FBXW4: variants seen among roughly 807,000 people sequenced by gnomAD.
FBXW4 encodes F-box/WD repeat-containing protein 4.
FBXW4 carries 40 observed loss-of-function variants against 61.8 expected under a neutral mutation model. The observed-to-expected ratio is 0.65, with a 90% CI of 0.50 to 0.84. FBXW4 has a LOEUF of 0.84. FBXW4 is among the 40% of genes least tolerant of loss of function. The probability of loss-of-function intolerance (pLI) is 0.00; values close to 1 mark genes in which losing one functional copy is unlikely to be tolerated. For synonymous variants in FBXW4, 311 were observed against 313.8 expected (o/e 0.99, Z 0.10); for missense variants, 672 against 753.8 (o/e 0.89, Z 1.27).
At chr10:101,614,790 G>C (rs1490435326) in intron 6 of FBXW4, among the ~76,000 whole-genome samples, 1 of 152,176 alleles carries the variant, frequency 6.6e-6, no homozygotes, top group East Asian at 1.9e-4. Context: ...GACACGCCAG[G>C]CTCTGGGAAA....
intron 5 of FBXW4, among the ~76,000 whole-genome samples, chr10:101,637,267 C>T (rs2064011411): frequency 1.3e-5 from 2 of 150,024 alleles, no homozygotes; most frequent in Middle Eastern, 6.9e-3. Flanking sequence ...TGGTGGGCAC[C>T]TGTAGTCCCA....
intron 5 of FBXW4, among the ~76,000 whole-genome samples, chr10:101,647,368 T>C (rs192245042): frequency 1.3e-5 from 2 of 152,328 alleles, no homozygotes; most frequent in East Asian, 3.9e-4. Context: ...AACTACTTGC[T>C]GGGTAGTTCT....
At chr10:101,624,270 T>TAA (rs202127189) in intron 6 of FBXW4, among the ~76,000 whole-genome samples, 5 of 136,052 alleles carry the variant, frequency 3.7e-5, no homozygotes, top group African/African-American at 1.1e-4. Context: ...ATTAGAAAGT[T>TAA]AAAAAAAAAA....
intron 5 of FBXW4, among the ~76,000 whole-genome samples, chr10:101,650,887 C>T (rs899716201): frequency 1.3e-5 from 2 of 152,302 alleles, no homozygotes; most frequent in South Asian, 2.1e-4. Context: ...ATACAAAGAT[C>T]GGGCTCTCGA....
chr10:101,690,831 C>A (rs755891979), intron 1 of FBXW4, among the ~76,000 whole-genome samples: 19 of 152,138 alleles, frequency 1.2e-4, no homozygotes, highest in Non-Finnish European at 2.6e-4. Flanking sequence ...AAGCACAGTG[C>A]GTGTGTGTGC....
intron 5 of FBXW4, among the ~76,000 whole-genome samples, chr10:101,628,874 T>C (rs2063927928): frequency 6.6e-6 from 1 of 152,226 alleles, no homozygotes; most frequent in East Asian, 1.9e-4. Flanking sequence ...AAGCCAGCCT[T>C]CTATAATTTC....
chr10:101,657,498 G>A (rs1222394802), intron 5 of FBXW4, among the ~76,000 whole-genome samples: 2 of 152,014 alleles, frequency 1.3e-5, no homozygotes, highest in African/African-American at 2.4e-5. Flanking sequence ...GCTGGGTGTG[G>A]TGATGCTTGC....
intron 6 of FBXW4, among the ~76,000 whole-genome samples, chr10:101,621,041 T>C (rs1367680277): frequency 6.6e-6 from 1 of 152,142 alleles, no homozygotes; most frequent in Non-Finnish European, 1.5e-5. Flanking sequence ...ACCCGGCTTG[T>C]GTGTCATCCT....
chr10:101,657,160 C>G (rs1336893454), intron 5 of FBXW4, among the ~76,000 whole-genome samples: 1 of 152,086 alleles, frequency 6.6e-6, no homozygotes, highest in Non-Finnish European at 1.5e-5. Context: ...ACCATGTTAC[C>G]CATTACTCCC....
chr10:101,667,776 C>T, intron 5 of FBXW4, 110 bp downstream of exon 5: 2 of 973,914 alleles, frequency 2.1e-6, no homozygotes, highest in Non-Finnish European at 3.2e-6. Context: ...AAGACAGTGA[C>T]TCAAAGCAAC....
intron 4 of FBXW4, 29 bp from the exon 5 acceptor site, chr10:101,668,009 T>G: frequency 6.4e-7 from 1 of 1,559,694 alleles, no homozygotes; most frequent in Non-Finnish European, 8.8e-7. Context: ...ATGCTCTCGT[T>G]GGCATTGCCT....
At chr10:101,681,128 C>T (rs1328741384) in intron 1 of FBXW4, among the ~76,000 whole-genome samples, 1 of 152,140 alleles carries the variant, frequency 6.6e-6, no homozygotes, top group African/African-American at 2.4e-5. Flanking sequence ...TGGCTCACAA[C>T]TGTGATCCCA....
chr10:101,689,653 T>C (rs2064571779), intron 1 of FBXW4, among the ~76,000 whole-genome samples: 1 of 152,214 alleles, frequency 6.6e-6, no homozygotes, highest in Non-Finnish European at 1.5e-5. Context: ...AGTTTAGGCC[T>C]TAAATGTAAC....
At chr10:101,649,886 C>T (rs1364829439) in intron 5 of FBXW4, among the ~76,000 whole-genome samples, 2 of 152,230 alleles carry the variant, frequency 1.3e-5, no homozygotes, top group Admixed American at 6.5e-5. Flanking sequence ...CCCAGGACCA[C>T]ATGGATGCCA....
At chr10:101,667,344 TCA>T (rs1368111475) in intron 5 of FBXW4, among the ~76,000 whole-genome samples, 2 of 152,214 alleles carry the variant, frequency 1.3e-5, no homozygotes, top group Non-Finnish European at 2.9e-5. Flanking sequence ...CATCAAAATT[TCA>T]CACTTTTGCT....
At chr10:101,654,830 T>C (rs143654608) in intron 5 of FBXW4, among the ~76,000 whole-genome samples, 5 of 152,362 alleles carry the variant, frequency 3.3e-5, no homozygotes, top group African/African-American at 1.2e-4. Flanking sequence ...CTTTTGGTTT[T>C]GTTACTTTTT....
chr10:101,611,520 T>C lies in FBXW4; in HGVS notation c.1584+108A>G. 1 of 1,571,912 alleles carries C rather than the reference T, an allele frequency of 6.4e-7. No homozygotes were observed. The highest frequency in any genetic ancestry group is 8.7e-7 in the Non-Finnish European group (1 of 1,155,690). The stretch of plus-strand genomic sequence containing the variant: ...AAGAGGGACGTGTGCCATTGTAGGC[T>C]TCTTCCAACCCTTTCTAGGCACGTC... On this transcript the variant is annotated intron_variant, in intron 8 of 8. Transcript: ENST00000331272. This position sits in a 1 kb window ranked among gnomAD's most constrained non-coding sequence, Gnocchi z 4.9.
At chr10:101,649,104 G>C (rs1048207667) in intron 5 of FBXW4, among the ~76,000 whole-genome samples, 1 of 151,950 alleles carries the variant, frequency 6.6e-6, no homozygotes, top group Non-Finnish European at 1.5e-5. Flanking sequence ...AGAGGCTGCT[G>C]TACTCTTCCT....
At chr10:101,651,122 G>GC (rs2134859839) in intron 5 of FBXW4, among the ~76,000 whole-genome samples, 1 of 152,204 alleles carries the variant, frequency 6.6e-6, no homozygotes, top group East Asian at 1.9e-4. Context: ...CAGTCTCTGA[G>GC]CCCCCAGCTC....
Sources: gnomAD v4.1 joint callset for allele counts (sites outside exome capture counted in the v4.1 genomes callset) on GRCh38, gnomAD v4.1.1 for gene constraint, Gnocchi (gnomAD v3.1) non-coding constraint, MANE v1.5 for transcripts, NCBI Gene and HGNC (gene_info 2026-07-23, HGNC 2026-07-21) for gene names.